The following RUNX1 variants were observed in gnomAD, a reference collection of about 807,000 sequenced individuals.
RUNX1 encodes runt-related transcription factor 1.
A neutral mutation model predicts 42.8 loss-of-function variants in RUNX1; 19 were observed. The ratio of observed to expected loss-of-function variants is 0.44; its 90% CI spans 0.31 to 0.65. The LOEUF (loss-of-function observed/expected upper bound fraction) is 0.65, where lower values mean the gene tolerates loss of function less well. Among genes scored for constraint, RUNX1 ranks in the 30% least tolerant of loss-of-function variants. The probability of loss-of-function intolerance (pLI) is 0.07; values close to 1 mark genes in which losing one functional copy is unlikely to be tolerated. For synonymous variants in RUNX1, 271 were observed against 289.4 expected, an observed-to-expected ratio of 0.94 and a Z score of 0.64; for missense variants, 528 against 672.0, an observed-to-expected ratio of 0.79 and a Z score of 2.37.
At chr21:34,994,977 C>A (rs192131095) in intron 2 of RUNX1, among the ~76,000 whole-genome samples, 37 of 152,352 alleles carry the variant, frequency 2.4e-4, no homozygotes, top group Admixed American at 2.3e-3. Flanking sequence ...GAGCTCCAGA[C>A]AGGCCCGTGA....
At chr21:35,018,176 C>A (rs1173590757) in intron 2 of RUNX1, among the ~76,000 whole-genome samples, 1 of 152,142 alleles carries the variant, frequency 6.6e-6, no homozygotes, top group Non-Finnish European at 1.5e-5. Context: ...CAGGCACATG[C>A]CACCATGTCC....
chr21:34,887,116 A>AC lies in RUNX1; in HGVS notation c.98-21_98-20insG. 1 of 1,598,038 alleles carries AC rather than the reference A, an allele frequency of 6.3e-7. No individual in the cohort carries two copies. The highest frequency in any genetic ancestry group is 8.5e-7 in the Non-Finnish European group (1 of 1,179,842). Reference sequence around the variant, plus strand: ...TGGCATCTACGGGGATACGCATCACAACAAGCCGATTGAGTTAGGACCCTG... The same window carrying AC: ...TGGCATCTACGGGGATACGCATCACACACAAGCCGATTGAGTTAGGACCCTG... On this transcript the variant is annotated intron_variant, in intron 3 of 8. Coordinates refer to ENST00000675419, the MANE Select transcript of RUNX1 (RefSeq NM_001754.5).
Position 34,905,127 on chromosome 21 carries a change from T to C in RUNX1, c.59-12164A>G, listed in dbSNP as rs185643269. ...TGCCCAGACACCGTGCACAGTGAAC[T>C]CACTCTAGGAGACCCGCACGCCCCC... On this transcript the variant is annotated intron_variant, in intron 2 of 8. Transcript: ENST00000675419. 3.9e-5 allele frequency among the ~76,000 whole-genome samples: 6 copies of C among 152,294 alleles called. No homozygotes were observed. In the East Asian group the frequency reaches 1.2e-3, roughly 29 times the overall value.
intron 5 of RUNX1, among the ~76,000 whole-genome samples, chr21:34,879,283 A>G (rs2057861341): frequency 6.6e-6 from 1 of 152,240 alleles, no homozygotes; most frequent in South Asian, 2.1e-4. Flanking sequence ...AAAAGTGGAT[A>G]TAATTTTCTT....
chr21:34,820,390 C>G (rs2145995302), intron 7 of RUNX1, among the ~76,000 whole-genome samples: 1 of 152,220 alleles, frequency 6.6e-6, no homozygotes, highest in South Asian at 2.1e-4. Flanking sequence ...TGGCTCATGC[C>G]TGTAATCTCA....
intron 2 of RUNX1, among the ~76,000 whole-genome samples, chr21:34,896,019 G>A (rs994989495): frequency 6.7e-6 from 1 of 149,940 alleles, no homozygotes; most frequent in South Asian, 2.1e-4. Context: ...AGGGGGAGGA[G>A]TCTCCCCAGC....
chr21:34,796,895 C>G (rs892084328), intron 8 of RUNX1, among the ~76,000 whole-genome samples: 1 of 152,098 alleles, frequency 6.6e-6, no homozygotes, highest in African/African-American at 2.4e-5. Flanking sequence ...GAGAGACAGA[C>G]AGAGTCCAAG....
chr21:34,953,627 A>C (rs2058624360), intron 2 of RUNX1, among the ~76,000 whole-genome samples: 1 of 152,184 alleles, frequency 6.6e-6, no homozygotes, highest in Non-Finnish European at 1.5e-5. Context: ...GAAAGAAATA[A>C]ACTTTTATTT....
intron 2 of RUNX1, among the ~76,000 whole-genome samples, chr21:34,933,838 G>T (rs2058465662): frequency 2.0e-5 from 3 of 152,220 alleles, no homozygotes; most frequent in South Asian, 4.1e-4. Flanking sequence ...AGCCACAGCT[G>T]CTGCTATTGC....
At chr21:34,931,314 T>C (rs899384221) in intron 2 of RUNX1, among the ~76,000 whole-genome samples, 189 of 147,606 alleles carry the variant, frequency 1.3e-3, no homozygotes, top group African/African-American at 4.4e-3. Flanking sequence ...TTAATCAACA[T>C]GCATTATATA....
At chr21:34,805,500 T>C (rs1569013556) in intron 7 of RUNX1, among the ~76,000 whole-genome samples, 2 of 152,156 alleles carry the variant, frequency 1.3e-5, no homozygotes, top group African/African-American at 2.4e-5. Flanking sequence ...ACCTTATCCA[T>C]AGAGGAAAAA....
intron 2 of RUNX1, among the ~76,000 whole-genome samples, chr21:34,908,329 T>A (rs571597392): frequency 6.6e-6 from 1 of 152,328 alleles, no homozygotes; most frequent in South Asian, 2.1e-4. Flanking sequence ...AAGGTATTTT[T>A]AAATTGTATT....
At chr21:34,948,808 C>T (rs1447394980) in intron 2 of RUNX1, among the ~76,000 whole-genome samples, 1 of 151,970 alleles carries the variant, frequency 6.6e-6, no homozygotes. Flanking sequence ...TGCAGTGGCG[C>T]GGTCTCAGCT....
intron 6 of RUNX1, among the ~76,000 whole-genome samples, chr21:34,840,595 C>T (rs1257443867): frequency 8.0e-6 from 1 of 124,514 alleles, no homozygotes; most frequent in Non-Finnish European, 1.7e-5. Context: ...AAAGTTTTCC[C>T]TTTTGTCTTT....
chr21:35,018,357 G>A (rs1488074405), intron 2 of RUNX1, among the ~76,000 whole-genome samples: 2 of 152,088 alleles, frequency 1.3e-5, no homozygotes, highest in Non-Finnish European at 2.9e-5. Context: ...CCAGCCCCTA[G>A]TATCTCAAAA....
In RUNX1 at chr21:34,880,604, T is replaced by C. The variant is rs751954304; in HGVS notation, c.461A>G (p.Gln154Arg). 2 of 1,614,132 alleles carry C rather than the reference T, an allele frequency of 1.2e-6. No individual in the cohort carries two copies. Among genetic ancestry groups the C allele is most frequent in the Non-Finnish European group, 1.7e-6 (2 of 1,180,000 alleles). ...CCTGAGGTCATTAAATCTTGCAACC[T>C]GGTTCTTCATGGCTGCGGTAGCATT... Reference protein sequence around the residue: ...LRNATAAMKNQVARFNDLRFV... With the variant: ...LRNATAAMKNRVARFNDLRFV... Residue 154 changes from glutamine (Q) to arginine (R), a missense_variant, in exon 5 of 9, where the codon CAG (glutamine) becomes CGG (arginine). By Grantham distance (43) the Gln-to-Arg change is conservative. This residue lies in a region of RUNX1 where 83 missense variants were observed against 174.5 expected (regional missense o/e 0.48). Coordinates refer to ENST00000675419, the MANE Select transcript of RUNX1 (RefSeq NM_001754.5).
At chr21:34,865,066 C>T (rs1251604443) in intron 5 of RUNX1, among the ~76,000 whole-genome samples, 1 of 152,106 alleles carries the variant, frequency 6.6e-6, no homozygotes, top group Non-Finnish European at 1.5e-5. Context: ...GGGTTAATAA[C>T]AGTCATTCCA....
chr21:34,932,194 A>C (rs1213126105), intron 2 of RUNX1, among the ~76,000 whole-genome samples: 1 of 152,160 alleles, frequency 6.6e-6, no homozygotes. Flanking sequence ...ATCTGTTTTC[A>C]TGTAGAGTGC....
At position 34,901,705 on chromosome 21, in the gene RUNX1, G is replaced by C. The variant is rs1208648759; in HGVS notation, c.59-8742C>G. ...GCTACAGACAGAGGTTATGTTTTAA[G>C]AGATAGACTGAGAAGTCACTCTCCA... On this transcript the variant is annotated intron_variant, in intron 2 of 8. Transcript: ENST00000675419. The surrounding 1 kb of genome is among the most constrained non-coding windows in gnomAD (Gnocchi z 4.3). Among the ~76,000 whole-genome samples, 24 of 152,140 alleles carry C rather than the reference G, an allele frequency of 1.6e-4. No individual in the cohort carries two copies. The highest frequency in any genetic ancestry group is 5.9e-5 in the Non-Finnish European group (4 of 68,028).
Sources: gnomAD v4.1 joint callset for allele counts (sites outside exome capture counted in the v4.1 genomes callset) on GRCh38, gnomAD v4.1.1 for gene constraint, gnomAD v4.1.1 regional missense constraint, Gnocchi (gnomAD v3.1) non-coding constraint, MANE v1.5 for transcripts, NCBI Gene and HGNC (gene_info 2026-07-23, HGNC 2026-07-21) for gene names.